Variants in DNAH2 observed in about 807,000 individuals in gnomAD.
DNAH2 encodes axonemal beta dynein heavy chain 2.
Under a neutral mutation model 523.5 loss-of-function variants are expected in DNAH2, and 323 were observed. That is an observed-to-expected ratio of 0.62 (90% CI 0.56 to 0.68). The LOEUF is 0.68. Ranked by LOEUF, DNAH2 falls within the 30% of genes least tolerant of loss-of-function variation. DNAH2 has a pLI of 0.00. For synonymous variants in DNAH2, 2,093 were observed against 2,177.4 expected (o/e 0.96, Z 1.08); for missense variants, 4,907 against 5,701.5 (o/e 0.86, Z 4.49).
At chr17:7,734,382 G>A (rs1478130312) in intron 6 of DNAH2, 88 bp from the exon 7 acceptor site, 37 of 1,599,246 alleles carry the variant, frequency 2.3e-5, no homozygotes, top group Non-Finnish European at 3.1e-5. Flanking sequence ...GTTGGGTTAG[G>A]AGGTCTCTGT....
intron 39 of DNAH2, among the ~76,000 whole-genome samples, chr17:7,785,851 A>C (rs2076719096): frequency 6.6e-6 from 1 of 151,738 alleles, no homozygotes; most frequent in African/African-American, 2.4e-5. Flanking sequence ...CATGTAAGAC[A>C]CTGTGTCAAT....
In DNAH2 at chr17:7,757,183, A is replaced by G. The variant is rs770002331; in HGVS notation, c.1997A>G (p.Glu666Gly). The part of the protein sequence containing the change: ...HYVVNVAERA[E>G]DLRILRENLL... ...GTGGTGAACGTAGCTGAGCGAGCCG[A>G]GGACCTGCGCATTCTGCGTGAAAAT... The change falls in exon 13 of 86, where the codon GAG becomes GGG. Residue 666 changes from glutamate to glycine, a missense_variant. Physicochemically the swap from Glu to Gly is moderately conservative, Grantham distance 98 (BLOSUM62 -2). Coordinates refer to ENST00000572933, the MANE Select transcript of DNAH2 (RefSeq NM_020877.5). 4 of 1,614,186 alleles carry G rather than the reference A, an allele frequency of 2.5e-6. No individual in the cohort carries two copies. The highest frequency in any genetic ancestry group is 4.5e-5 in the East Asian group (2 of 44,882).
In DNAH2 at chr17:7,744,493, C is replaced by G. The variant is rs9896284; in HGVS notation, c.1904+1351C>G. Among the ~76,000 whole-genome samples the G allele has an allele frequency of 1.0e-3, 153 of 152,002 alleles. 1 individual carries two copies. Among genetic ancestry groups the G allele is most frequent in the African/African-American group, 3.5e-3 (147 of 41,460 alleles). On this transcript the variant is annotated intron_variant, in intron 12 of 85. Transcript: ENST00000572933. ...AAGCAAAAGAACCAGGATGGAGAAG[C>G]AGAGCGGAGTGTCAGGTGAGAGGGG...
In DNAH2 at chr17:7,770,574, C is replaced by T. The variant is rs768143240; in HGVS notation, c.4116C>T (p.Ala1372=). 6.2e-7 allele frequency: 1 copy of T among 1,614,014 alleles called. No homozygotes were observed. The highest frequency in any genetic ancestry group is 8.5e-7 in the Non-Finnish European group (1 of 1,180,032). ...CTCCACAGGCTTTACAAAACATTGC[C>T]AAGACCTGGGATGTGACTCAGCTCG... ...LAIEVALQNI[A]KTWDVTQLDI... The change falls in exon 26 of 86, where the codon GCC becomes GCT. Residue 1372 remains alanine, a synonymous_variant. Coordinates refer to ENST00000572933, the MANE Select transcript of DNAH2 (RefSeq NM_020877.5).
Position 7,759,562 on chromosome 17 carries a change from C to A in DNAH2, c.2589C>A (p.Phe863Leu). 4 of 1,614,220 alleles carry A rather than the reference C, an allele frequency of 2.5e-6. No homozygotes were observed. Among genetic ancestry groups the A allele is most frequent in the Non-Finnish European group, 3.4e-6 (4 of 1,180,046 alleles). The change falls in exon 16 of 86, where the codon TTC (phenylalanine) becomes TTA (leucine). Residue 863 changes from phenylalanine to leucine, a missense_variant. Physicochemically the swap from Phe to Leu is conservative, Grantham distance 22. Around this residue, in one of 3 missense-constraint regions of DNAH2, gnomAD observed 2,806 missense variants for 3,190.8 expected, o/e 0.88. Transcript: ENST00000572933. ...GAAAGACCAGCCCAAACCCACTCTTCCAAGTCCTTGTCATTTTGAAGAATG... is the reference window on the plus strand; with the variant it reads ...GAAAGACCAGCCCAAACCCACTCTTACAAGTCCTTGTCATTTTGAAGAATG... The part of the protein sequence containing the change: ...GDGKTSPNPL[F>L]QVLVILKNDL...
intron 44 of DNAH2, among the ~76,000 whole-genome samples, chr17:7,789,819 C>A (rs2076847624): frequency 6.6e-6 from 1 of 152,078 alleles, no homozygotes; most frequent in Non-Finnish European, 1.5e-5. Context: ...CTCAGGTGAT[C>A]CACCCACCTC....
chr17:7,786,135 C>A lies in DNAH2; in HGVS notation c.6141C>A (p.Thr2047=). 2 of 1,613,876 alleles carry A rather than the reference C, an allele frequency of 1.2e-6. No homozygotes were observed. The highest frequency in any genetic ancestry group is 1.7e-6 in the Non-Finnish European group (2 of 1,179,992). Reference sequence around the variant, plus strand: ...TTCCCTTCCCTCAGCTGCGGGAGACCGTTGAGCAGGAGATTCGAGACATGG... The same window carrying A: ...TTCCCTTCCCTCAGCTGCGGGAGACAGTTGAGCAGGAGATTCGAGACATGG... ...PVIDYGKLRE[T]VEQEIRDMGL... is the part of the protein sequence containing the mutation. The change falls in exon 40 of 86, where the codon ACC becomes ACA. Residue 2047 remains threonine (T), a synonymous_variant. Transcript: ENST00000572933. This position sits in a 1 kb window ranked among gnomAD's most constrained non-coding sequence, Gnocchi z 7.5.
At chr17:7,767,091 C>T (rs1302232001) in intron 22 of DNAH2, among the ~76,000 whole-genome samples, 2 of 149,976 alleles carry the variant, frequency 1.3e-5, no homozygotes, top group African/African-American at 2.5e-5. Context: ...CGCCCCAGTC[C>T]CCCGTCCCCC....
chr17:7,802,138 T>A, intron 58 of DNAH2, 121 bp downstream of exon 58: 1 of 1,392,106 alleles, frequency 7.2e-7, no homozygotes, highest in Non-Finnish European at 9.7e-7. Flanking sequence ...GCCCAGGAAG[T>A]TGGGAAGAGG....
At position 7,764,363 on chromosome 17, in the gene DNAH2, A is replaced by G. The variant is rs574325987; in HGVS notation, c.3336+90A>G. 5.0e-5 allele frequency: 74 copies of G among 1,470,856 alleles called. No individual in the cohort carries two copies. In the Middle Eastern group the frequency reaches 1.1e-3, roughly 22 times the overall value. The allele number at this position is 1,470,856 out of a possible 1,614,324, so 91.1% of individuals were successfully genotyped here. A position where few individuals can be genotyped will look rare whatever the true frequency, so the allele number is the denominator to read the frequency against. On this transcript the variant is annotated intron_variant, in intron 20 of 85. Coordinates refer to ENST00000572933, the MANE Select transcript of DNAH2 (RefSeq NM_020877.5). ...TTGGCTGTCCTCGGGGAGAGTAGAG[A>G]AGTGACAGCAGGAGGAGACTCTAGA...
In DNAH2 at chr17:7,832,078, G is replaced by A. The variant is rs903371776; in HGVS notation, c.12726+303G>A. Among the ~76,000 whole-genome samples the A allele has an allele frequency of 4.6e-5, 7 of 152,084 alleles. No individual in the cohort carries two copies. Among genetic ancestry groups the A allele is most frequent in the African/African-American group, 1.4e-4 (6 of 41,408 alleles). On this transcript the variant is annotated intron_variant, in intron 82 of 85. Coordinates refer to ENST00000572933, the MANE Select transcript of DNAH2 (RefSeq NM_020877.5). The surrounding 1 kb of genome is among the most constrained non-coding windows in gnomAD (Gnocchi z 4.3). Reference sequence around the variant, plus strand: ...AATGCTACCTGGTTAATATTACTGCGGTCATTGTTATGAATGAATAGCTGT... The same window carrying A: ...AATGCTACCTGGTTAATATTACTGCAGTCATTGTTATGAATGAATAGCTGT...
chr17:7,754,874 GAGGACAGA>G lies in DNAH2; in HGVS notation c.1905-2209_1905-2202del. The G allele has an allele frequency of 1.6e-6, 1 of 625,220 alleles. No homozygotes were observed. Among genetic ancestry groups the G allele is most frequent in the South Asian group, 2.0e-5 (1 of 49,928 alleles). The allele number at this position is 625,220 out of a possible 1,614,324, so 38.7% of individuals were successfully genotyped here. On this transcript the variant is annotated intron_variant, in intron 12 of 85. Coordinates refer to ENST00000572933, the MANE Select transcript of DNAH2 (RefSeq NM_020877.5). The surrounding 1 kb of genome is among the most constrained non-coding windows in gnomAD (Gnocchi z 4.6). Reference sequence around the variant, plus strand: ...AGTAGATATCTCTGTCTGCCAACGTGAGGACAGAAGGACAGGTGCCACCCACCCCGGGC... The same window carrying G: ...AGTAGATATCTCTGTCTGCCAACGTGAGGACAGGTGCCACCCACCCCGGGC...
rs2075944167 is a variant in DNAH2, at chr17:7,759,491, G to T, written c.2518G>T (p.Val840Leu). Residue 840 changes from valine (V) to leucine (L), a missense_variant, in exon 16 of 86, where the codon GTG (valine) becomes TTG (leucine). By Grantham distance (32) the Val-to-Leu change is conservative. Coordinates refer to ENST00000572933, the MANE Select transcript of DNAH2 (RefSeq NM_020877.5). The stretch of plus-strand genomic sequence containing the variant: ...GATGGAGGATGCCCTGCGCCTGAAT[G>T]TGAAGTGGTCACTGCTAGAACTATC... Reference protein sequence around the residue: ...RMMEDALRLNVKWSLLELSKA... With the variant: ...RMMEDALRLNLKWSLLELSKA... 2 of 1,614,068 alleles carry T rather than the reference G, an allele frequency of 1.2e-6. No homozygotes were observed. The highest frequency in any genetic ancestry group is 1.7e-6 in the Non-Finnish European group (2 of 1,180,044).
intron 46 of DNAH2, 27 bp from the exon 47 acceptor site, chr17:7,792,630 T>A: frequency 6.3e-7 from 1 of 1,598,066 alleles, no homozygotes; most frequent in Non-Finnish European, 8.6e-7. Flanking sequence ...GGCTGGTCCT[T>A]GAGAGCCGGC....
chr17:7,822,087 T>C (rs1326090335), intron 73 of DNAH2, among the ~76,000 whole-genome samples: 1 of 152,136 alleles, frequency 6.6e-6, no homozygotes, highest in Non-Finnish European at 1.5e-5. Context: ...CCTCGCATCT[T>C]AGCCTCTGGA....
Position 7,792,804 on chromosome 17 carries a change from G to A in DNAH2, c.7293G>A (p.Gln2431=), listed in dbSNP as rs1284146843. The change falls in exon 47 of 86, where the codon CAG becomes CAA. Residue 2431 remains glutamine (Q), a synonymous_variant. Coordinates refer to ENST00000572933, the MANE Select transcript of DNAH2 (RefSeq NM_020877.5). ...CCTCCATCGCCCAGAGCGTTCTGCA[G>A]TCCCTGCCCTCCAGCCAGTGGTCGG... ...GKTSIAQSVL[Q]SLPSSQWSVL... 3 of 1,614,206 alleles carry A rather than the reference G, an allele frequency of 1.9e-6. No homozygotes were observed. Among genetic ancestry groups the A allele is most frequent in the Non-Finnish European group, 2.5e-6 (3 of 1,180,022 alleles).
At chr17:7,771,084 C>T (rs919460256) in intron 27 of DNAH2, 151 bp downstream of exon 27, 8 of 1,013,416 alleles carry the variant, frequency 7.9e-6, no homozygotes, top group Non-Finnish European at 1.0e-5. Context: ...TAGTTATTAC[C>T]TCTCACCTTA....
rs145495477 is a variant in DNAH2 at position 7,801,583 on chromosome 17, G to C, written c.8705G>C (p.Trp2902Ser). 6 of 1,614,058 alleles carry C rather than the reference G, an allele frequency of 3.7e-6. No homozygotes were observed. In the African/African-American group the frequency reaches 8.0e-5, roughly 22 times the overall value. ...LSPMGDPFRN[W>S]IRQYPALVNC... Reference sequence around the variant, plus strand: ...CTCTCCAAACCCCTTCCCAGGAACTGGATCCGCCAGTACCCAGCCTTGGTG... The same window carrying C: ...CTCTCCAAACCCCTTCCCAGGAACTCGATCCGCCAGTACCCAGCCTTGGTG... Residue 2902 changes from tryptophan to serine, a missense_variant, in exon 57 of 86, where the codon TGG (tryptophan) becomes TCG (serine). By Grantham distance (177) the Trp-to-Ser change is radical. Around this residue, in one of 3 missense-constraint regions of DNAH2, gnomAD observed 1,851 missense variants for 2,139.4 expected, o/e 0.87. Transcript: ENST00000572933.
chr17:7,789,976 C>G (rs946091710), intron 44 of DNAH2, among the ~76,000 whole-genome samples: 5 of 152,148 alleles, frequency 3.3e-5, no homozygotes, highest in African/African-American at 9.7e-5. Flanking sequence ...TAATTCACAA[C>G]CCATCCTCAA....
Sources: allele counts gnomAD v4.1 joint callset (sites outside exome capture counted in the v4.1 genomes callset), GRCh38; gene constraint gnomAD v4.1.1; regional missense constraint gnomAD v4.1.1; non-coding constraint Gnocchi (gnomAD v3.1); transcripts MANE v1.5; gene names NCBI Gene and HGNC (gene_info 2026-07-23, HGNC 2026-07-21).